KCND3: variants seen among roughly 807,000 people sequenced by gnomAD.
The protein encoded by KCND3 is potassium voltage-gated channel subfamily D member 3.
KCND3 carries 9 observed loss-of-function variants against 51.1 expected under a neutral mutation model. The ratio of observed to expected loss-of-function variants is 0.18; its 90% CI spans 0.11 to 0.31. The LOEUF is 0.31. Among genes scored for constraint, KCND3 ranks in the 10% least tolerant of loss-of-function variants. KCND3 has a pLI of 1.00. For missense variants in KCND3, 526 were observed against 903.8 expected, an observed-to-expected ratio of 0.58 and a Z score of 5.36; for synonymous variants, 349 against 368.0, an observed-to-expected ratio of 0.95 and a Z score of 0.59.
At chr1:111,948,438 C>T (rs1422196414) in intron 2 of KCND3, among the ~76,000 whole-genome samples, 1 of 152,220 alleles carries the variant, frequency 6.6e-6, no homozygotes, top group Non-Finnish European at 1.5e-5. Flanking sequence ...CAGGGAGGTG[C>T]TCAGGACTCT....
intron 2 of KCND3, among the ~76,000 whole-genome samples, chr1:111,842,276 C>T (rs1667357427): frequency 6.6e-6 from 1 of 152,204 alleles, no homozygotes; most frequent in Non-Finnish European, 1.5e-5. Flanking sequence ...TCCAGGCCCC[C>T]CAACCCACCC....
At chr1:111,921,669 A>G (rs947002930) in intron 2 of KCND3, among the ~76,000 whole-genome samples, 1 of 152,226 alleles carries the variant, frequency 6.6e-6, no homozygotes, top group Admixed American at 6.5e-5. Flanking sequence ...GCCAGGCACA[A>G]GGGAGGACTG....
intron 2 of KCND3, among the ~76,000 whole-genome samples, chr1:111,912,584 A>T (rs949584098): frequency 6.6e-6 from 1 of 152,242 alleles, no homozygotes; most frequent in Non-Finnish European, 1.5e-5. Context: ...CATTGTTATC[A>T]TGGAGGAGGA....
chr1:111,831,315 G>A (rs1666823094), intron 2 of KCND3, among the ~76,000 whole-genome samples: 1 of 152,210 alleles, frequency 6.6e-6, no homozygotes, highest in Non-Finnish European at 1.5e-5. Flanking sequence ...TCAGAGGAGG[G>A]ATCTGGTGGG....
intron 2 of KCND3, among the ~76,000 whole-genome samples, chr1:111,921,754 C>T (rs17029069): frequency 0.26 from 39,284 of 151,986 alleles, 5,597 homozygotes; most frequent in East Asian, 0.48. Flanking sequence ...CCTGATTTCT[C>T]CCAGGCCTTT....
intron 2 of KCND3, among the ~76,000 whole-genome samples, chr1:111,960,687 C>T (rs1408378647): frequency 6.6e-6 from 1 of 152,232 alleles, no homozygotes; most frequent in Non-Finnish European, 1.5e-5. Flanking sequence ...GGAGGCTTGA[C>T]TGAAGTGTAA....
intron 2 of KCND3, among the ~76,000 whole-genome samples, chr1:111,884,121 A>T (rs565482582): frequency 6.6e-6 from 1 of 152,236 alleles, no homozygotes; most frequent in South Asian, 2.1e-4. Flanking sequence ...TAGAGTAGAG[A>T]ATATGGAGAT....
chr1:111,822,401 C>T (rs1666392701), intron 2 of KCND3, among the ~76,000 whole-genome samples: 1 of 152,152 alleles, frequency 6.6e-6, no homozygotes, highest in Admixed American at 6.5e-5. Flanking sequence ...ACCATAATTC[C>T]ACTTTCTCTC....
chr1:111,973,911 C>T (rs1378826489), intron 2 of KCND3, among the ~76,000 whole-genome samples: 1 of 152,242 alleles, frequency 6.6e-6, no homozygotes, highest in Admixed American at 6.5e-5. Flanking sequence ...CAGCCTCATC[C>T]ATCTCTCCAT....
At chr1:111,805,335 C>A (rs1392427428) in intron 2 of KCND3, among the ~76,000 whole-genome samples, 1 of 152,198 alleles carries the variant, frequency 6.6e-6, no homozygotes, top group African/African-American at 2.4e-5. Flanking sequence ...CCAGTCTGGC[C>A]AGAGATCCAC....
At chr1:111,856,909 C>G (rs1178920496) in intron 2 of KCND3, 1 of 152,272 alleles carries the variant, frequency 6.6e-6, no homozygotes, top group African/African-American at 2.4e-5. Flanking sequence ...AAACCAGCAG[C>G]TGCCTGTCTA....
chr1:111,927,122 G>C (rs868552838), intron 2 of KCND3, among the ~76,000 whole-genome samples: 2 of 152,208 alleles, frequency 1.3e-5, no homozygotes, highest in African/African-American at 4.8e-5. Context: ...AGGACTCTGA[G>C]GCCCAGAGAC....
chr1:111,870,882 A>G (rs1668799983), intron 2 of KCND3, among the ~76,000 whole-genome samples: 1 of 152,210 alleles, frequency 6.6e-6, no homozygotes, highest in Non-Finnish European at 1.5e-5. Flanking sequence ...GGAATATAAC[A>G]TCCCCCTAGT....
chr1:111,777,747 G>A (rs1009602410), intron 6 of KCND3, among the ~76,000 whole-genome samples: 1 of 152,334 alleles, frequency 6.6e-6, no homozygotes, highest in Non-Finnish European at 1.5e-5. Context: ...AAACATGGGG[G>A]TCATTCACAG....
chr1:111,771,480 T>C lies in KCND3; in HGVS notation c.*4597A>G, dbSNP rs1451123336. The C allele has an allele frequency of 2.0e-5, 3 of 152,218 alleles. No homozygotes were observed. In the East Asian group the frequency reaches 5.8e-4, roughly 29 times the overall value. 9.4% of individuals were successfully genotyped at this position (152,218 alleles called of 1,614,324 possible). ...TCACAGCATTGGGATATTTTTGCCT[T>C]ATAGTTACCTGGTAATTGAAGTGGG... On this transcript the variant is annotated 3_prime_UTR_variant, in exon 8 of 8. Transcript: ENST00000302127.
chr1:111,864,607 C>T lies in KCND3; in HGVS notation c.1107-77501G>A, dbSNP rs142032455. 4.6e-5 allele frequency among the ~76,000 whole-genome samples: 7 copies of T among 152,276 alleles called. No individual in the cohort carries two copies. The East Asian group carries it at 1.4e-3, about 29-fold the overall frequency. ...TTGAAAATATTTGCCTAGCTGTCCT[C>T]ATCTGCTCCAGACCCCAATCATCCC... On this transcript the variant is annotated intron_variant, in intron 2 of 7. Transcript: ENST00000302127.
At chr1:111,939,817 G>T (rs1285748928) in intron 2 of KCND3, among the ~76,000 whole-genome samples, 3 of 152,180 alleles carry the variant, frequency 2.0e-5, no homozygotes, top group African/African-American at 7.2e-5. Context: ...TTCCACAATG[G>T]TTGAACTAAT....
In KCND3 at chr1:111,776,282, G is replaced by C. The variant is rs1157911221; in HGVS notation, c.1767-4C>G. On this transcript the variant is annotated splice_polypyrimidine_tract_variant and splice_region_variant and intron_variant, in intron 7 of 7. Coordinates refer to ENST00000302127, the MANE Select transcript of KCND3 (RefSeq NM_001378969.1). ...TTTCAAATTAAGGCTGGAGCGACTG[G>C]GATAGAAAAGAGTGAGTTGATGATG... The C allele has an allele frequency of 3.1e-6, 5 of 1,613,266 alleles. No individual in the cohort carries two copies. The highest frequency in any genetic ancestry group is 1.7e-5 in the Admixed American group (1 of 59,846).
intron 2 of KCND3, among the ~76,000 whole-genome samples, chr1:111,937,765 G>C (rs1672293112): frequency 6.6e-6 from 1 of 152,196 alleles, no homozygotes; most frequent in Non-Finnish European, 1.5e-5. Context: ...TCATGGCCTA[G>C]AAATGGGTCT....
Sources: allele counts gnomAD v4.1 joint callset (sites outside exome capture counted in the v4.1 genomes callset), GRCh38; gene constraint gnomAD v4.1.1; transcripts MANE v1.5; gene names NCBI Gene and HGNC (gene_info 2026-07-23, HGNC 2026-07-21).